The following DCLK1 variants were observed in gnomAD, a reference collection of about 807,000 sequenced individuals.
The protein encoded by DCLK1 is serine/threonine-protein kinase DCLK1.
A neutral mutation model predicts 86.2 loss-of-function variants in DCLK1; 16 were observed. The ratio of observed to expected loss-of-function variants is 0.19; its 90% CI spans 0.13 to 0.28. The LOEUF (loss-of-function observed/expected upper bound fraction) is 0.28. Among genes scored for constraint, DCLK1 ranks in the 10% least tolerant of loss-of-function variants. The probability of loss-of-function intolerance (pLI) is 1.00; values close to 1 mark genes in which losing one functional copy is unlikely to be tolerated. For missense variants in DCLK1, 590 were observed against 940.2 expected, an observed-to-expected ratio of 0.63 and a Z score of 4.87; for synonymous variants, 369 against 370.5, an observed-to-expected ratio of 1.00 and a Z score of 0.05.
intron 3 of DCLK1, among the ~76,000 whole-genome samples, chr13:36,073,573 G>T (rs913088403): frequency 6.6e-6 from 1 of 152,146 alleles, no homozygotes; most frequent in African/African-American, 2.4e-5. Context: ...CCATGAATTT[G>T]CACAATGCTA....
At chr13:36,002,480 T>G (rs941003665) in intron 3 of DCLK1, among the ~76,000 whole-genome samples, 1 of 152,234 alleles carries the variant, frequency 6.6e-6, no homozygotes, top group African/African-American at 2.4e-5. Flanking sequence ...ATGGCAATCT[T>G]TTTTAGGGTT....
chr13:36,071,085 A>G (rs1237959902), intron 3 of DCLK1, among the ~76,000 whole-genome samples: 2 of 152,144 alleles, frequency 1.3e-5, no homozygotes, highest in Non-Finnish European at 2.9e-5. Flanking sequence ...GCATAATAGA[A>G]TGCACATTTC....
In DCLK1 at chr13:35,774,667, GA is replaced by G; in HGVS notation, c.2090del (p.Phe697SerfsTer9). ...TTALDKERQV[F>X]RRRRNQDVRS... The stretch of plus-strand genomic sequence containing the variant: ...TCACATCCTGGTTGCGTCTTCGTCG[GA>G]AAACCTGCCTCTCCTTATCAAGAGC... On this transcript the variant is annotated frameshift_variant, in exon 17 of 17. Coordinates refer to ENST00000360631, the MANE Select transcript of DCLK1 (RefSeq NM_001330071.2). LOFTEE classifies it high-confidence loss of function. 6.2e-7 allele frequency: 1 copy of G among 1,611,540 alleles called. No individual in the cohort carries two copies. Among genetic ancestry groups the G allele is most frequent in the Non-Finnish European group, 8.5e-7 (1 of 1,178,996 alleles).
At chr13:36,086,838 T>G (rs765686131) in intron 3 of DCLK1, among the ~76,000 whole-genome samples, 1 of 152,198 alleles carries the variant, frequency 6.6e-6, no homozygotes, top group Non-Finnish European at 1.5e-5. Flanking sequence ...CCATGGTGTA[T>G]ATGTGCCACA....
chr13:36,115,139 C>T (rs1885738699), intron 2 of DCLK1, among the ~76,000 whole-genome samples: 1 of 152,078 alleles, frequency 6.6e-6, no homozygotes, highest in African/African-American at 2.4e-5. Context: ...GCACTCCAGC[C>T]TGGGCAACAA....
At chr13:35,977,292 T>TC (rs1366816452) in intron 3 of DCLK1, among the ~76,000 whole-genome samples, 13 of 152,262 alleles carry the variant, frequency 8.5e-5, no homozygotes, top group South Asian at 6.2e-4. Flanking sequence ...GGGCAAGTTT[T>TC]CCCCCTGAGC....
chr13:36,038,885 G>A (rs933382730), intron 3 of DCLK1, among the ~76,000 whole-genome samples: 4 of 152,152 alleles, frequency 2.6e-5, no homozygotes, highest in African/African-American at 9.7e-5. Flanking sequence ...CTTGAATGAA[G>A]TTTCTCTAAT....
At chr13:35,795,738 T>C (rs1353082257) in intron 15 of DCLK1, among the ~76,000 whole-genome samples, 1 of 151,976 alleles carries the variant, frequency 6.6e-6, no homozygotes, top group African/African-American at 2.4e-5. Context: ...CTGACCAACA[T>C]GGAGAAACCC....
intron 3 of DCLK1, among the ~76,000 whole-genome samples, chr13:36,096,721 A>G (rs943300773): frequency 1.3e-5 from 2 of 152,212 alleles, no homozygotes; most frequent in African/African-American, 4.8e-5. Flanking sequence ...TGTTAATATC[A>G]TGTGAAACCT....
chr13:36,087,598 C>A (rs960245133), intron 3 of DCLK1, among the ~76,000 whole-genome samples: 2 of 152,020 alleles, frequency 1.3e-5, no homozygotes, highest in Non-Finnish European at 2.9e-5. Context: ...TTTGGACGTG[C>A]AAAGATGTGA....
At chr13:35,847,177 A>G in intron 6 of DCLK1, 2 of 967,570 alleles carry the variant, frequency 2.1e-6, no homozygotes, top group Non-Finnish European at 2.5e-6. Context: ...AATAGTTAAC[A>G]CAATATTGGA....
chr13:35,982,232 A>C (rs1278862024), intron 3 of DCLK1, among the ~76,000 whole-genome samples: 1 of 151,912 alleles, frequency 6.6e-6, no homozygotes, highest in East Asian at 1.9e-4. Flanking sequence ...AGAGGGAACA[A>C]GGCTGGGTCT....
At chr13:35,814,275 A>G (rs1309846418) in intron 11 of DCLK1, among the ~76,000 whole-genome samples, 1 of 152,188 alleles carries the variant, frequency 6.6e-6, no homozygotes, top group East Asian at 1.9e-4. Context: ...GCACACACGC[A>G]CACACACACA....
intron 16 of DCLK1, among the ~76,000 whole-genome samples, chr13:35,789,693 A>G (rs899423108): frequency 6.6e-6 from 1 of 152,212 alleles, no homozygotes; most frequent in African/African-American, 2.4e-5. Flanking sequence ...AAAATAATAA[A>G]CAGTGTTAAA....
At chr13:36,115,512 A>G (rs1017140943) in intron 2 of DCLK1, among the ~76,000 whole-genome samples, 7 of 152,084 alleles carry the variant, frequency 4.6e-5, no homozygotes, top group African/African-American at 1.7e-4. Flanking sequence ...GTTATCATAC[A>G]ACCAGTTTTT....
intron 5 of DCLK1, among the ~76,000 whole-genome samples, chr13:35,862,197 C>A (rs181052609): frequency 1.5e-3 from 224 of 152,098 alleles, no homozygotes; most frequent in African/African-American, 5.0e-3. Context: ...ATATTGTTAG[C>A]GCAGATCTCC....
At chr13:35,780,817 C>G (rs775611220) in intron 16 of DCLK1, among the ~76,000 whole-genome samples, 1 of 152,234 alleles carries the variant, frequency 6.6e-6, no homozygotes, top group Non-Finnish European at 1.5e-5. Context: ...ACTCAGGTGG[C>G]TGCACATGTG....
chr13:35,880,671 C>T (rs1288989764), intron 4 of DCLK1, among the ~76,000 whole-genome samples: 1 of 152,102 alleles, frequency 6.6e-6, no homozygotes, highest in Non-Finnish European at 1.5e-5. Context: ...CATTTGCTTT[C>T]CCCATAAGAA....
At chr13:35,804,614 G>A (rs2086989697) in intron 15 of DCLK1, among the ~76,000 whole-genome samples, 1 of 150,648 alleles carries the variant, frequency 6.6e-6, no homozygotes, top group South Asian at 2.1e-4. Flanking sequence ...TGTATTTTTA[G>A]TAGAGATGGC....
Sources: allele counts gnomAD v4.1 joint callset (sites outside exome capture counted in the v4.1 genomes callset), GRCh38; gene constraint gnomAD v4.1.1; transcripts MANE v1.5; gene names NCBI Gene and HGNC (gene_info 2026-07-23, HGNC 2026-07-21).